CA10: variants seen among roughly 807,000 people sequenced by gnomAD.
CA10 encodes carbonic anhydrase 10 (inactive).
CA10 carries 14 observed loss-of-function variants against 44.2 expected under a neutral mutation model. The ratio of observed to expected loss-of-function variants is 0.32; its 90% confidence interval spans 0.21 to 0.50. CA10 has a LOEUF of 0.50. Ranked by LOEUF, CA10 falls within the 20% of genes least tolerant of loss-of-function variation. CA10 has a pLI of 0.99. For missense variants in CA10, 350 were observed against 409.7 expected (o/e 0.85, Z 1.26); for synonymous variants, 159 against 141.6 (o/e 1.12, Z -0.87).
intron 2 of CA10, among the ~76,000 whole-genome samples, chr17:52,005,186 T>C (rs1985555561): frequency 6.6e-6 from 1 of 151,950 alleles, no homozygotes; most frequent in Admixed American, 6.6e-5. Flanking sequence ...GTGAACCCTT[T>C]AGGACCTTAA....
At chr17:52,125,904 G>C (rs1169455233) in intron 1 of CA10, among the ~76,000 whole-genome samples, 3 of 151,944 alleles carry the variant, frequency 2.0e-5, no homozygotes, top group African/African-American at 7.3e-5. Flanking sequence ...TGCTGGATGG[G>C]GTGCTAGCTC....
intron 1 of CA10, among the ~76,000 whole-genome samples, chr17:52,149,853 G>A (rs1989666826): frequency 6.6e-6 from 1 of 152,162 alleles, no homozygotes; most frequent in Non-Finnish European, 1.5e-5. Flanking sequence ...AGCTGAACAA[G>A]AGCCAAAGCT....
chr17:52,146,703 A>G (rs1989596789), intron 1 of CA10, among the ~76,000 whole-genome samples: 1 of 150,892 alleles, frequency 6.6e-6, no homozygotes, highest in Admixed American at 6.6e-5. Flanking sequence ...AATAAATATA[A>G]AAAAATAAAA....
chr17:51,949,920 C>A (rs1209693274), intron 2 of CA10, among the ~76,000 whole-genome samples: 1 of 152,112 alleles, frequency 6.6e-6, no homozygotes, highest in Non-Finnish European at 1.5e-5. Flanking sequence ...TAGTATATCC[C>A]TGTTGGGGAA....
intron 7 of CA10, among the ~76,000 whole-genome samples, chr17:51,634,736 C>T (rs184271212): frequency 1.6e-4 from 24 of 152,258 alleles, no homozygotes; most frequent in African/African-American, 5.5e-4. Flanking sequence ...CATATCATAC[C>T]ACTTCCTCTT....
intron 4 of CA10, among the ~76,000 whole-genome samples, chr17:51,691,928 G>A (rs1032876643): frequency 6.6e-6 from 1 of 152,152 alleles, no homozygotes; most frequent in Non-Finnish European, 1.5e-5. Flanking sequence ...CAACCCATGG[G>A]ATACTTAAAA....
intron 1 of CA10, among the ~76,000 whole-genome samples, chr17:52,077,236 T>C (rs1987839629): frequency 6.6e-6 from 1 of 152,172 alleles, no homozygotes; most frequent in African/African-American, 2.4e-5. Flanking sequence ...GAAGAAGTCA[T>C]CGTTGGGGAT....
chr17:51,735,324 T>A (rs1485732186), intron 4 of CA10, among the ~76,000 whole-genome samples: 1 of 152,092 alleles, frequency 6.6e-6, no homozygotes, highest in East Asian at 1.9e-4. Context: ...TTCTCACTCA[T>A]AAGTGGGAGC....
rs1985708588 is a variant in CA10, at chr17:52,009,337, A to G, written c.136+62982T>C. Among the ~76,000 whole-genome samples, 3 of 151,998 alleles carry G rather than the reference A, an allele frequency of 2.0e-5. No homozygotes were observed. In the East Asian group the frequency reaches 5.8e-4, roughly 30 times the overall value. On this transcript the variant is annotated intron_variant, in intron 2 of 8. Coordinates refer to ENST00000451037, the MANE Select transcript of CA10 (RefSeq NM_020178.5). ...TTTTTGTTCTATACAAAGCAAAACA[A>G]TTTATAAATATTTGATGAATAAATA...
intron 4 of CA10, among the ~76,000 whole-genome samples, chr17:51,663,238 C>A (rs75162083): frequency 2.6e-3 from 1 of 392 alleles, no homozygotes; most frequent in Admixed American, 0.036. Context: ...TTCGAGACCA[C>A]TTTTTCTCGA....
intron 1 of CA10, among the ~76,000 whole-genome samples, chr17:52,101,704 C>T (rs1018745647): frequency 6.6e-6 from 1 of 152,152 alleles, no homozygotes; most frequent in Non-Finnish European, 1.5e-5. Flanking sequence ...GTCTTGGCTG[C>T]CATTGAACGG....
chr17:51,857,866 T>C (rs961358720), intron 3 of CA10, among the ~76,000 whole-genome samples: 4 of 152,192 alleles, frequency 2.6e-5, no homozygotes, highest in African/African-American at 4.8e-5. Context: ...TGATAGCATC[T>C]GTCCTTAGAA....
At chr17:51,657,178 A>T (rs1005009555) in intron 4 of CA10, among the ~76,000 whole-genome samples, 1 of 152,242 alleles carries the variant, frequency 6.6e-6, no homozygotes, top group Admixed American at 6.5e-5. Flanking sequence ...TTCCCCAGGC[A>T]ACAGAACATC....
At chr17:52,021,972 A>T (rs1397200201) in intron 2 of CA10, among the ~76,000 whole-genome samples, 1 of 152,126 alleles carries the variant, frequency 6.6e-6, no homozygotes, top group Non-Finnish European at 1.5e-5. Context: ...ATTCTACCAG[A>T]CATATGAAGA....
At position 51,851,706 on chromosome 17, in the gene CA10, C is replaced by A. The variant is rs764244401; in HGVS notation, c.279+79284G>T. Among the ~76,000 whole-genome samples the A allele has an allele frequency of 4.0e-4, 61 of 152,120 alleles. 1 individual carries two copies. The highest frequency in any genetic ancestry group is 6.5e-4 in the Non-Finnish European group (44 of 68,020). ...ATATCACCCTTTGTCTAGTGATGGGCAAATACATGGTCCTTGATAAATATT... is the reference window on the plus strand; with the variant it reads ...ATATCACCCTTTGTCTAGTGATGGGAAAATACATGGTCCTTGATAAATATT... On this transcript the variant is annotated intron_variant, in intron 3 of 8. Transcript: ENST00000451037.
chr17:51,805,807 A>G (rs9893548), intron 3 of CA10, among the ~76,000 whole-genome samples: 11,001 of 152,194 alleles, frequency 0.072, 1,057 homozygotes, highest in African/African-American at 0.22. Context: ...TCTTCTTTCT[A>G]TAGATTTGCC....
chr17:51,775,108 G>C (rs1022077556), intron 3 of CA10, among the ~76,000 whole-genome samples: 4 of 152,102 alleles, frequency 2.6e-5, no homozygotes, highest in African/African-American at 7.2e-5. Flanking sequence ...TCCTCTAAAG[G>C]GGGAGGGGCA....
At chr17:51,932,830 T>C (rs1006264482) in intron 2 of CA10, among the ~76,000 whole-genome samples, 1 of 152,162 alleles carries the variant, frequency 6.6e-6, no homozygotes, top group African/African-American at 2.4e-5. Context: ...CTAGCAAGAC[T>C]ACAATATTTA....
intron 7 of CA10, among the ~76,000 whole-genome samples, chr17:51,634,516 A>C (rs1912737320): frequency 6.6e-6 from 1 of 152,148 alleles, no homozygotes; most frequent in East Asian, 1.9e-4. Flanking sequence ...TCAGAGCTGG[A>C]GCAAACTCAT....
Sources: gnomAD v4.1 joint callset for allele counts (sites outside exome capture counted in the v4.1 genomes callset) on GRCh38, gnomAD v4.1.1 for gene constraint, MANE v1.5 for transcripts, NCBI Gene and HGNC (gene_info 2026-07-23, HGNC 2026-07-21) for gene names.